MAPK8: variants seen among roughly 807,000 people sequenced by gnomAD.
The protein encoded by MAPK8 is JUN N-terminal kinase.
MAPK8 carries 13 observed loss-of-function variants against 52.9 expected under a neutral mutation model. That is an observed-to-expected ratio of 0.25 (90% CI 0.16 to 0.39). The LOEUF (loss-of-function observed/expected upper bound fraction) is 0.39. Ranked by LOEUF, MAPK8 falls within the 10% of genes least tolerant of loss-of-function variation. The probability of loss-of-function intolerance (pLI) is 1.00; values close to 1 mark genes in which losing one functional copy is unlikely to be tolerated. For synonymous variants in MAPK8, 191 were observed against 169.8 expected, an observed-to-expected ratio of 1.12 and a Z score of -0.97; for missense variants, 300 against 519.2, an observed-to-expected ratio of 0.58 and a Z score of 4.10.
At chr10:48,319,582 C>T (rs1242819416) in intron 1 of MAPK8, among the ~76,000 whole-genome samples, 9 of 151,990 alleles carry the variant, frequency 5.9e-5, no homozygotes, top group South Asian at 4.1e-4. Flanking sequence ...CTCCACCTCC[C>T]GGGTTCAAGC....
intron 1 of MAPK8, among the ~76,000 whole-genome samples, chr10:48,368,200 A>G (rs578219205): frequency 2.6e-5 from 4 of 152,358 alleles, no homozygotes; most frequent in Admixed American, 2.0e-4. Context: ...AATTCTGGGA[A>G]TCCAACTGTG....
chr10:48,425,041 G>T, intron 7 of MAPK8: 1 of 603,788 alleles, frequency 1.7e-6, no homozygotes. Flanking sequence ...TTTCATCTGA[G>T]AATTTCAGCA....
chr10:48,351,272 ATTTTT>A (rs66660207), intron 1 of MAPK8, among the ~76,000 whole-genome samples: 12 of 129,536 alleles, frequency 9.3e-5, no homozygotes, highest in Admixed American at 9.0e-4. Context: ...ATAACTTTGA[ATTTTT>A]TTTTTTTTTT....
chr10:48,371,950 A>G (rs1158516776), intron 1 of MAPK8, among the ~76,000 whole-genome samples: 1 of 152,152 alleles, frequency 6.6e-6, no homozygotes, highest in Non-Finnish European at 1.5e-5. Context: ...GACAAGATGC[A>G]TAACACAAGG....
chr10:48,334,428 C>T (rs1394062619), intron 1 of MAPK8, among the ~76,000 whole-genome samples: 3 of 152,146 alleles, frequency 2.0e-5, no homozygotes, highest in Admixed American at 2.0e-4. Flanking sequence ...TGGGATACGT[C>T]TCAGTCACAC....
intron 1 of MAPK8, among the ~76,000 whole-genome samples, chr10:48,334,410 C>G (rs1844465694): frequency 6.6e-6 from 1 of 152,110 alleles, no homozygotes; most frequent in Non-Finnish European, 1.5e-5. Flanking sequence ...CTGCACTTGC[C>G]TTATATCTGG....
In MAPK8 at chr10:48,435,112, T is replaced by C. The variant is rs943852857; in HGVS notation, c.*83T>C. On this transcript the variant is annotated 3_prime_UTR_variant, in exon 12 of 12. Transcript: ENST00000374189. ...TACTTTGAAAACAATTCAGTGGTCT[T>C]ATTTTTGGGTGATTTTTCAAAAAAT... is the stretch of plus-strand genomic sequence containing the variant. 1 of 1,060,936 alleles carries C rather than the reference T, an allele frequency of 9.4e-7. No homozygotes were observed. Among genetic ancestry groups the C allele is most frequent in the Middle Eastern group, 3.2e-4 (1 of 3,122 alleles). The allele number at this position is 1,060,936 out of a possible 1,614,324, so 65.7% of individuals were successfully genotyped here.
intron 1 of MAPK8, among the ~76,000 whole-genome samples, chr10:48,387,788 A>G (rs1341345772): frequency 6.6e-6 from 1 of 152,144 alleles, no homozygotes; most frequent in Non-Finnish European, 1.5e-5. Context: ...ATGGCCCTGA[A>G]TGTTATTGTA....
At chr10:48,319,200 T>C (rs1297838432) in intron 1 of MAPK8, among the ~76,000 whole-genome samples, 1 of 152,242 alleles carries the variant, frequency 6.6e-6, no homozygotes, top group Non-Finnish European at 1.5e-5. Context: ...TACCATAGTG[T>C]GTCATGTGTA....
At chr10:48,389,477 C>T in intron 1 of MAPK8, among the ~76,000 whole-genome samples, 1 of 152,170 alleles carries the variant, frequency 6.6e-6, no homozygotes, top group East Asian at 1.9e-4. Context: ...CCAGGGCAAG[C>T]CTCTGGCTCA....
chr10:48,420,803 TGAAG>T (rs1233098798), intron 6 of MAPK8, among the ~76,000 whole-genome samples: 1 of 152,224 alleles, frequency 6.6e-6, no homozygotes, highest in Non-Finnish European at 1.5e-5. Context: ...GGTGACCTCT[TGAAG>T]GAAGCAGTAA....
At chr10:48,314,318 A>G (rs1842284702) in intron 1 of MAPK8, among the ~76,000 whole-genome samples, 1 of 152,012 alleles carries the variant, frequency 6.6e-6, no homozygotes. Context: ...TAGTCATGAG[A>G]GGCTTAGTTA....
intron 1 of MAPK8, among the ~76,000 whole-genome samples, chr10:48,327,039 C>G (rs1843594157): frequency 6.6e-6 from 1 of 152,122 alleles, no homozygotes; most frequent in Middle Eastern, 3.2e-3. Context: ...TCTTTTCCCC[C>G]CTCCGTCTGC....
chr10:48,403,007 T>A (rs2042238051), intron 2 of MAPK8, among the ~76,000 whole-genome samples: 2 of 152,318 alleles, frequency 1.3e-5, no homozygotes, highest in South Asian at 4.1e-4. Context: ...CATTTACATG[T>A]AGCTTAAAAT....
At chr10:48,349,656 C>G (rs544293969) in intron 1 of MAPK8, among the ~76,000 whole-genome samples, 2 of 152,264 alleles carry the variant, frequency 1.3e-5, no homozygotes, top group Admixed American at 1.3e-4. Flanking sequence ...TAAATGCCCA[C>G]AGGAGAAAGC....
At chr10:48,371,474 C>T (rs1016306437) in intron 1 of MAPK8, among the ~76,000 whole-genome samples, 3 of 151,912 alleles carry the variant, frequency 2.0e-5, no homozygotes, top group African/African-American at 4.8e-5. Context: ...TTTTCCCCCT[C>T]GAAGCACTTT....
chr10:48,425,206 C>T, intron 7 of MAPK8: 1 of 765,786 alleles, frequency 1.3e-6, no homozygotes. Flanking sequence ...GGCATATTCA[C>T]AAGGTTACAA....
intron 1 of MAPK8, among the ~76,000 whole-genome samples, chr10:48,329,128 A>G (rs1472547669): frequency 6.6e-6 from 1 of 152,218 alleles, no homozygotes; most frequent in African/African-American, 2.4e-5. Context: ...AGATGAAGTT[A>G]AGTAACTTGC....
chr10:48,319,105 C>G (rs1842757305), intron 1 of MAPK8, among the ~76,000 whole-genome samples: 1 of 152,118 alleles, frequency 6.6e-6, no homozygotes, highest in Non-Finnish European at 1.5e-5. Flanking sequence ...TGCTTTCAGA[C>G]TGTTACTCAT....
Sources: gnomAD v4.1 joint callset for allele counts (sites outside exome capture counted in the v4.1 genomes callset) on GRCh38, gnomAD v4.1.1 for gene constraint, MANE v1.5 for transcripts, NCBI Gene and HGNC (gene_info 2026-07-23, HGNC 2026-07-21) for gene names.